The following ZKSCAN7 variants were observed in gnomAD, a reference collection of about 807,000 sequenced individuals.
ZKSCAN7 encodes the protein zinc finger with KRAB and SCAN domains 7.
ZKSCAN7 carries 38 observed loss-of-function variants against 65.3 expected under a neutral mutation model. That is an observed-to-expected ratio of 0.58 (90% confidence interval 0.45 to 0.76). The LOEUF (loss-of-function observed/expected upper bound fraction) is 0.76. Ranked by LOEUF, ZKSCAN7 falls within the 30% of genes least tolerant of loss-of-function variation. ZKSCAN7 has a pLI of 0.00. For missense variants in ZKSCAN7, 815 were observed against 913.3 expected (o/e 0.89, Z 1.39); for synonymous variants, 321 against 321.0 (o/e 1.00, Z 0.00).
chr3:44,580,183 G>A, intron 5 of ZKSCAN7: 2 of 1,610,220 alleles, frequency 1.2e-6, no homozygotes, highest in East Asian at 2.2e-5. Flanking sequence ...AGCGGCGGGG[G>A]CAGCTGCTGT....
chr3:44,564,686 A>G (rs1699578618), intron 2 of ZKSCAN7, among the ~76,000 whole-genome samples: 1 of 152,164 alleles, frequency 6.6e-6, no homozygotes, highest in South Asian at 2.1e-4. Flanking sequence ...TGTTCTGGGT[A>G]TTGCTTCAGC....
At chr3:44,581,402 T>A (rs1436141476) in intron 5 of ZKSCAN7, among the ~76,000 whole-genome samples, 1 of 152,126 alleles carries the variant, frequency 6.6e-6, no homozygotes, top group Non-Finnish European at 1.5e-5. Flanking sequence ...TTAAGATATG[T>A]GAAAAACCAT....
chr3:44,558,781 CAT>C (rs1559422616), intron 2 of ZKSCAN7, among the ~76,000 whole-genome samples: 2 of 74,322 alleles, frequency 2.7e-5, no homozygotes, highest in Admixed American at 1.5e-4. Flanking sequence ...CTTTCTTCTT[CAT>C]TTTTTTTTTT....
chr3:44,583,255 G>A (rs1177278129), exon 6 of ZKSCAN7: 2 of 213,822 alleles, frequency 9.4e-6, no homozygotes, highest in African/African-American at 4.7e-5. Context: ...TTGATGTAGT[G>A]GCAGTAGTCT....
At chr3:44,581,098 G>GGCC (rs1226736346) in intron 5 of ZKSCAN7, 5 of 1,010,242 alleles carry the variant, frequency 4.9e-6, no homozygotes, top group African/African-American at 1.8e-5. Flanking sequence ...GGCTCAGCGC[G>GGCC]GCCGCCGCCG....
At chr3:44,579,754 G>C (rs982883795) in intron 5 of ZKSCAN7, among the ~76,000 whole-genome samples, 4 of 152,144 alleles carry the variant, frequency 2.6e-5, no homozygotes, top group Non-Finnish European at 5.9e-5. Context: ...CATCCAAGTC[G>C]GCTGCCTCCT....
Position 44,557,371 on chromosome 3 carries a change from G to A in ZKSCAN7, c.324G>A (p.Gly108=), listed in dbSNP as rs1326455384. 3 of 1,614,102 alleles carry A rather than the reference G, an allele frequency of 1.9e-6. No individual in the cohort carries two copies. Among genetic ancestry groups the A allele is most frequent in the Non-Finnish European group, 2.5e-6 (3 of 1,180,050 alleles). ...VLEQFLSILP[G]ELRTWVQLHH... ...AGCAGTTCCTGAGCATCCTCCCTGG[G>A]GAGCTCCGGACCTGGGTGCAGCTGC... Residue 108 remains glycine (G), a synonymous_variant, in exon 2 of 6, where the codon GGG becomes GGA. Coordinates refer to ENST00000426540, the MANE Select transcript of ZKSCAN7 (RefSeq NM_001288590.2).
chr3:44,571,825 C>T lies in ZKSCAN7; in HGVS notation c.*450C>T. On this transcript the variant is annotated 3_prime_UTR_variant, in exon 6 of 6. Transcript: ENST00000426540. ...CTACTCTTTAAACTTTAATCTATAA[C>T]TTTTCATCAGTTTTGTTCCCTATCT... is the stretch of plus-strand genomic sequence containing the variant. The T allele has an allele frequency of 1.0e-6, 1 of 992,460 alleles. No homozygotes were observed. The highest frequency in any genetic ancestry group is 1.2e-6 in the Non-Finnish European group (1 of 834,092). The allele number at this position is 992,460 out of a possible 1,614,324, so 61.5% of individuals were successfully genotyped here. A position where few individuals can be genotyped will look rare whatever the true frequency, so the allele number is the denominator to read the frequency against.
rs35509141 is a variant in ZKSCAN7 at position 44,571,594 on chromosome 3, C to CT, written c.*228dup. The CT allele has an allele frequency of 8.0e-4, 1,065 of 1,324,600 alleles. 2 individuals are homozygous for CT. The Admixed American group carries it at 8.9e-3, about 11-fold the overall frequency. 82.1% of individuals were successfully genotyped at this position (1,324,600 alleles called of 1,614,324 possible). A position where few individuals can be genotyped will look rare whatever the true frequency, so the allele number is the denominator to read the frequency against. ...CACATGTCATTGAATTGTAGGTTTC[C>CT]TTTTTTTTTCTTTACTTTTAAATTT... On this transcript the variant is annotated 3_prime_UTR_variant, in exon 6 of 6. Coordinates refer to ENST00000426540, the MANE Select transcript of ZKSCAN7 (RefSeq NM_001288590.2).
At chr3:44,578,388 C>T in intron 5 of ZKSCAN7, 6 of 1,613,684 alleles carry the variant, frequency 3.7e-6, no homozygotes, top group Non-Finnish European at 5.1e-6. Context: ...CCACCGCCGT[C>T]CCCAGTCAGC....
Position 44,565,548 on chromosome 3 carries a change from C to A in ZKSCAN7, c.485C>A (p.Thr162Lys), listed in dbSNP as rs1457446861. Residue 162 changes from threonine (T) to lysine (K), a missense_variant, in exon 3 of 6, where the codon ACA (threonine) becomes AAA (lysine). Thr to Lys is a moderately conservative substitution (Grantham distance 78, BLOSUM62 -1). Around this residue, in one of 3 missense-constraint regions of ZKSCAN7, gnomAD observed 227 missense variants for 253.3 expected, o/e 0.90. Coordinates refer to ENST00000426540, the MANE Select transcript of ZKSCAN7 (RefSeq NM_001288590.2). ...HFEETTALGT[T>K]KESPPTSPLS... ...GAGGAGACAACAGCTCTGGGTACAA[C>A]AAAGGAATCTCCTCCTACCTCACCC... 1 of 1,612,932 alleles carries A rather than the reference C, an allele frequency of 6.2e-7. No homozygotes were observed. The highest frequency in any genetic ancestry group is 1.3e-5 in the African/African-American group (1 of 74,928).
At chr3:44,579,709 T>G (rs577091225) in intron 5 of ZKSCAN7, among the ~76,000 whole-genome samples, 1 of 152,322 alleles carries the variant, frequency 6.6e-6, no homozygotes, top group East Asian at 1.9e-4. Context: ...CTGGATACTC[T>G]GTGACATCGT....
chr3:44,577,715 C>T (rs6773415), intron 5 of ZKSCAN7, among the ~76,000 whole-genome samples: 42,442 of 151,986 alleles, frequency 0.28, 6,428 homozygotes, highest in Non-Finnish European at 0.32. Context: ...TAGAATACCA[C>T]GGAAAAAAGC....
At chr3:44,582,140 C>T (rs1335576874) in intron 5 of ZKSCAN7, among the ~76,000 whole-genome samples, 1 of 152,188 alleles carries the variant, frequency 6.6e-6, no homozygotes, top group African/African-American at 2.4e-5. Context: ...TTACAGCTGG[C>T]TCCACAAGCA....
intron 1 of ZKSCAN7, among the ~76,000 whole-genome samples, chr3:44,555,996 A>T (rs1234125266): frequency 2.6e-5 from 4 of 152,240 alleles, no homozygotes; most frequent in South Asian, 2.1e-4. Flanking sequence ...CAGGGGAGAC[A>T]GTCGTGTAAA....
intron 5 of ZKSCAN7, among the ~76,000 whole-genome samples, chr3:44,581,422 G>A (rs1038623223): frequency 2.6e-5 from 4 of 152,162 alleles, no homozygotes; most frequent in African/African-American, 9.6e-5. Flanking sequence ...TTCAGTTGTA[G>A]CAAACATCAT....
chr3:44,561,561 C>G (rs532160839), intron 2 of ZKSCAN7, among the ~76,000 whole-genome samples: 6 of 152,328 alleles, frequency 3.9e-5, no homozygotes, highest in African/African-American at 1.4e-4. Context: ...AAAGTCTCAT[C>G]TGAGACAGGG....
At chr3:44,569,438 C>A (rs1490673947) in intron 5 of ZKSCAN7, among the ~76,000 whole-genome samples, 1 of 152,200 alleles carries the variant, frequency 6.6e-6, no homozygotes, top group African/African-American at 2.4e-5. Flanking sequence ...ATATAAATTT[C>A]CAGTCAATTC....
chr3:44,579,922 C>A, intron 5 of ZKSCAN7: 2 of 1,601,384 alleles, frequency 1.2e-6, no homozygotes, highest in Non-Finnish European at 1.7e-6. Flanking sequence ...TGTCCAGTGA[C>A]TTGGCTCTTC....
Sources: allele counts gnomAD v4.1 joint callset (sites outside exome capture counted in the v4.1 genomes callset), GRCh38; gene constraint gnomAD v4.1.1; regional missense constraint gnomAD v4.1.1; transcripts MANE v1.5; gene names NCBI Gene and HGNC (gene_info 2026-07-23, HGNC 2026-07-21).